Variants in GALNTL6 observed in about 807,000 individuals in gnomAD.
GALNTL6 encodes the protein polypeptide N-acetylgalactosaminyltransferase-like 6.
In GALNTL6, 46 loss-of-function variants were observed where a neutral mutation model predicts 73.7. The ratio of observed to expected loss-of-function variants is 0.62; its 90% CI spans 0.49 to 0.80. GALNTL6 has a LOEUF of 0.80. Ranked by LOEUF, GALNTL6 falls within the 30% of genes least tolerant of loss-of-function variation. The probability of loss-of-function intolerance (pLI) is 0.00; values close to 1 mark genes in which losing one functional copy is unlikely to be tolerated. For synonymous variants in GALNTL6, 259 were observed against 263.7 expected (o/e 0.98, Z 0.17); for missense variants, 604 against 755.0 (o/e 0.80, Z 2.34).
At chr4:172,021,423 A>G (rs1741397201) in intron 2 of GALNTL6, among the ~76,000 whole-genome samples, 1 of 152,036 alleles carries the variant, frequency 6.6e-6, no homozygotes, top group East Asian at 1.9e-4. Flanking sequence ...ACTATAAGAC[A>G]TTGACGAAAG....
intron 2 of GALNTL6, among the ~76,000 whole-genome samples, chr4:172,176,697 G>A (rs1415982022): frequency 2.0e-5 from 3 of 152,124 alleles, no homozygotes; most frequent in Admixed American, 1.3e-4. Context: ...GCTGAGGGAG[G>A]AGGATCGCTG....
At chr4:172,997,430 A>T (rs1751846802) in intron 10 of GALNTL6, among the ~76,000 whole-genome samples, 1 of 152,170 alleles carries the variant, frequency 6.6e-6, no homozygotes. Flanking sequence ...GAGGAAGTGA[A>T]ATGATGCCCG....
intron 5 of GALNTL6, among the ~76,000 whole-genome samples, chr4:172,366,128 GA>G (rs1467159326): frequency 2.7e-4 from 41 of 152,082 alleles, no homozygotes; most frequent in African/African-American, 8.9e-4. Context: ...TATTACTAAA[GA>G]TAATATCAAA....
chr4:171,988,296 A>T (rs1416621569), intron 2 of GALNTL6, among the ~76,000 whole-genome samples: 1 of 152,180 alleles, frequency 6.6e-6, no homozygotes, highest in Non-Finnish European at 1.5e-5. Context: ...CACAATCAGC[A>T]GGGAGAGCAC....
At chr4:172,643,429 A>C (rs1740081143) in intron 5 of GALNTL6, among the ~76,000 whole-genome samples, 1 of 151,990 alleles carries the variant, frequency 6.6e-6, no homozygotes, top group Admixed American at 6.6e-5. Context: ...CAGACATAAA[A>C]GTGTACAAAT....
chr4:172,159,736 G>A (rs563782533), intron 2 of GALNTL6, among the ~76,000 whole-genome samples: 1 of 152,276 alleles, frequency 6.6e-6, no homozygotes, highest in South Asian at 2.1e-4. Flanking sequence ...TTAACCTAAA[G>A]TCAAAGGCCA....
intron 5 of GALNTL6, among the ~76,000 whole-genome samples, chr4:172,365,164 GT>G (rs1452091741): frequency 2.6e-5 from 4 of 152,204 alleles, no homozygotes; most frequent in African/African-American, 7.2e-5. Flanking sequence ...GTATTTAAGG[GT>G]TTAGGGAGAG....
At chr4:172,467,855 T>TTTCTTTCC (rs1554027358) in intron 5 of GALNTL6, among the ~76,000 whole-genome samples, 3 of 138,944 alleles carry the variant, frequency 2.2e-5, no homozygotes, top group African/African-American at 7.9e-5. Flanking sequence ...TCTTTCTTTC[T>TTTCTTTCC]TTCTTTCTTT....
chr4:172,610,167 T>C (rs752524895), intron 5 of GALNTL6, among the ~76,000 whole-genome samples: 11 of 152,036 alleles, frequency 7.2e-5, no homozygotes, highest in Non-Finnish European at 1.3e-4. Flanking sequence ...ATTTTTTGTG[T>C]GGTTTTTCAT....
intron 2 of GALNTL6, among the ~76,000 whole-genome samples, chr4:171,997,748 C>T (rs1053921471): frequency 5.3e-5 from 8 of 151,894 alleles, no homozygotes; most frequent in Non-Finnish European, 1.0e-4. Context: ...ACATAAAAGA[C>T]TAGGGAGAGG....
intron 2 of GALNTL6, among the ~76,000 whole-genome samples, chr4:171,852,992 G>GC (rs1365577715): frequency 6.8e-6 from 1 of 147,300 alleles, no homozygotes; most frequent in Non-Finnish European, 1.5e-5. Flanking sequence ...GACTACAGGC[G>GC]CCGCCACCAC....
intron 2 of GALNTL6, among the ~76,000 whole-genome samples, chr4:172,179,449 GTCT>G (rs1735163126): frequency 8.2e-5 from 11 of 134,266 alleles, no homozygotes; most frequent in African/African-American, 3.6e-4. Context: ...CTGCATAAAT[GTCT>G]TCTTTTGAGA....
At chr4:172,886,882 G>A (rs1745752022) in intron 8 of GALNTL6, among the ~76,000 whole-genome samples, 2 of 152,126 alleles carry the variant, frequency 1.3e-5, no homozygotes, top group South Asian at 4.1e-4. Flanking sequence ...ATTGTTACAA[G>A]CAAATATTGT....
chr4:171,981,808 T>TA lies in GALNTL6; in HGVS notation c.138+167091dup, dbSNP rs771818459. 1.9e-3 allele frequency among the ~76,000 whole-genome samples: 292 copies of TA among 152,132 alleles called. 1 individual carries two copies. Among genetic ancestry groups the TA allele is most frequent in the African/African-American group, 6.5e-3 (271 of 41,562 alleles). On this transcript the variant is annotated intron_variant, in intron 2 of 12. Transcript: ENST00000506823. ...AAAGAATTCATATTGAGTTATGAGA[T>TA]ATGTTTAAAGGAAATTATTCTCAAT...
At chr4:171,898,294 A>G (rs1736985241) in intron 2 of GALNTL6, among the ~76,000 whole-genome samples, 1 of 152,126 alleles carries the variant, frequency 6.6e-6, no homozygotes, top group Non-Finnish European at 1.5e-5. Context: ...AGCCACACAC[A>G]TTGAAGTAGT....
chr4:173,006,396 C>T (rs1417913192), intron 10 of GALNTL6, among the ~76,000 whole-genome samples: 1 of 152,176 alleles, frequency 6.6e-6, no homozygotes, highest in Non-Finnish European at 1.5e-5. Context: ...AGAAAACCAA[C>T]ACGCTGCACT....
intron 3 of GALNTL6, among the ~76,000 whole-genome samples, chr4:172,258,300 A>G (rs2111030279): frequency 6.6e-6 from 1 of 151,232 alleles, no homozygotes; most frequent in Non-Finnish European, 1.5e-5. Flanking sequence ...ATGATTTTTC[A>G]TTAGTATGTT....
rs35078885 is a variant in GALNTL6, at chr4:171,853,599, C to CTTTTTTTTT, written c.138+38902_138+38910dup. On this transcript the variant is annotated intron_variant, in intron 2 of 12. Transcript: ENST00000506823. Reference sequence around the variant, plus strand: ...TTTTTCTCTCTTTTGTTTAGCCACTCTTTTTTTTTTTTTTTTTTTTTTTTT... The same window carrying CTTTTTTTTT: ...TTTTTCTCTCTTTTGTTTAGCCACTCTTTTTTTTTTTTTTTTTTTTTTTTTTTTTTTTTT... Among the ~76,000 whole-genome samples, 2 of 35,310 alleles carry CTTTTTTTTT rather than the reference C, an allele frequency of 5.7e-5. 1 individual carries two copies. The highest frequency in any genetic ancestry group is 2.2e-4 in the African/African-American group (2 of 9,198). 23.2% of individuals were successfully genotyped at this position (35,310 alleles called of 152,430 possible).
intron 5 of GALNTL6, among the ~76,000 whole-genome samples, chr4:172,531,426 G>GA (rs1277077345): frequency 3.3e-5 from 5 of 152,172 alleles, no homozygotes; most frequent in Non-Finnish European, 5.9e-5. Flanking sequence ...AGTGCAAATG[G>GA]AAAATGCAGT....
Sources: gnomAD v4.1 joint callset for allele counts (sites outside exome capture counted in the v4.1 genomes callset) on GRCh38, gnomAD v4.1.1 for gene constraint, MANE v1.5 for transcripts, NCBI Gene and HGNC (gene_info 2026-07-23, HGNC 2026-07-21) for gene names.